Variants in MYO15A observed in about 807,000 individuals in gnomAD.
The protein encoded by MYO15A is unconventional myosin-XV.
MYO15A carries 308 observed loss-of-function variants against 394.6 expected under a neutral mutation model. The observed-to-expected ratio is 0.78, with a 90% CI of 0.71 to 0.86. The LOEUF is 0.86. Among genes scored for constraint, MYO15A ranks in the 40% least tolerant of loss-of-function variants. The pLI is 0.00. For missense variants in MYO15A, 4,606 were observed against 4,799.1 expected (o/e 0.96, Z 1.19); for synonymous variants, 1,957 against 2,003.8 (o/e 0.98, Z 0.62).
rs2046979987 is a variant in MYO15A, at chr17:18,174,027, T to C, written c.10491+106T>C. ...ATGCCCCAGGGAGTATCCAGGCCAG[T>C]GCATGGGACAGAACCAACCACAGCA... is the stretch of plus-strand genomic sequence containing the variant. On this transcript the variant is annotated intron_variant, in intron 65 of 65. Transcript: ENST00000647165. 11 of 1,462,660 alleles carry C rather than the reference T, an allele frequency of 7.5e-6. No individual in the cohort carries two copies. The South Asian group carries it at 9.1e-5, about 12-fold the overall frequency. 90.6% of individuals were successfully genotyped at this position (1,462,660 alleles called of 1,614,324 possible).
In MYO15A at chr17:18,148,719, G is replaced by T; in HGVS notation, c.6765-42G>T. On this transcript the variant is annotated intron_variant, in intron 32 of 65. Transcript: ENST00000647165. The surrounding 1 kb of genome is among the most constrained non-coding windows in gnomAD (Gnocchi z 4.8). ...AGGATCTCCCCAGGTAGTGCCTGAT[G>T]ACTCTGTCCCTCATTTCCATTCCTG... 3 of 1,564,616 alleles carry T rather than the reference G, an allele frequency of 1.9e-6. No individual in the cohort carries two copies. In the South Asian group the frequency reaches 3.5e-5, roughly 18 times the overall value.
At chr17:18,128,720 G>C (rs1023909130) in intron 7 of MYO15A, among the ~76,000 whole-genome samples, 1 of 152,136 alleles carries the variant, frequency 6.6e-6, no homozygotes, top group Non-Finnish European at 1.5e-5. Context: ...GGAGCTTTAC[G>C]GCAACCCTGG....
At position 18,163,784 on chromosome 17, in the gene MYO15A, C is replaced by T. The variant is rs1332068424; in HGVS notation, c.9733C>T (p.Leu3245=). The part of the protein sequence containing the change: ...VVEEICAEMA[L]TRPEAFNEYV... ...GGAAGAGATATGTGCTGAGATGGCT[C>T]TGACACGCCCTGAGGCCTTCAATGA... The change falls in exon 60 of 66, where the codon CTG becomes TTG. Residue 3245 remains leucine, a synonymous_variant. Transcript: ENST00000647165. 8.7e-6 allele frequency: 14 copies of T among 1,614,076 alleles called. No individual in the cohort carries two copies. Among genetic ancestry groups the T allele is most frequent in the Non-Finnish European group, 1.1e-5 (13 of 1,179,966 alleles).
At position 18,136,576 on chromosome 17, in the gene MYO15A, A is replaced by C. The variant is rs1188457983; in HGVS notation, c.4669A>C (p.Lys1557Gln). 1 of 1,613,978 alleles carries C rather than the reference A, an allele frequency of 6.2e-7. No homozygotes were observed. The highest frequency in any genetic ancestry group is 8.5e-7 in the Non-Finnish European group (1 of 1,180,032). The change falls in exon 15 of 66, where the codon AAG becomes CAG. Residue 1557 changes from lysine to glutamine, a missense_variant. Physicochemically the swap from Lys to Gln is moderately conservative, Grantham distance 53 (BLOSUM62 1). Transcript: ENST00000647165. ...SAVDARDAIA[K>Q]VLYALLFSWL... ...CCTCTGCTCCAGGGACGCCATCGCC[A>C]AGGTCTTGTATGCACTGCTGTTCAG...
At position 18,148,764 on chromosome 17, in the gene MYO15A, G is replaced by C. The variant is rs1404878831; in HGVS notation, c.6768G>C (p.Gly2256=). ...TTCCTGTGCATGCCATCACCAGGGG[G>C]CTGGCAGATGGCTGGCGCGGCTGGA... ...EVAGDILRHR[G]LADGWRGWTV... Residue 2256 remains glycine, a synonymous_variant, in exon 33 of 66, where the codon GGG becomes GGC. Coordinates refer to ENST00000647165, the MANE Select transcript of MYO15A (RefSeq NM_016239.4). The surrounding 1 kb of genome is among the most constrained non-coding windows in gnomAD (Gnocchi z 4.8). 1.3e-6 allele frequency: 2 copies of C among 1,597,240 alleles called. No individual in the cohort carries two copies. The highest frequency in any genetic ancestry group is 3.4e-5 in the Admixed American group (2 of 58,600).
At chr17:18,126,572 C>A in intron 5 of MYO15A, 116 bp downstream of exon 5, 1 of 1,106,790 alleles carries the variant, frequency 9.0e-7, no homozygotes, top group Non-Finnish European at 1.3e-6. Context: ...GGAAAGGCAG[C>A]CCACCTACTC....
chr17:18,167,110 G>A (rs2046865871), intron 61 of MYO15A, among the ~76,000 whole-genome samples: 1 of 152,210 alleles, frequency 6.6e-6, no homozygotes, highest in Non-Finnish European at 1.5e-5. Flanking sequence ...CACTGTTGAA[G>A]CATGGCCCTG....
At position 18,120,310 on chromosome 17, in the gene MYO15A, C is replaced by G; in HGVS notation, c.1510C>G (p.Pro504Ala). 1 of 1,612,276 alleles carries G rather than the reference C, an allele frequency of 6.2e-7. No homozygotes were observed. Among genetic ancestry groups the G allele is most frequent in the Non-Finnish European group, 8.5e-7 (1 of 1,179,980 alleles). The change falls in exon 2 of 66, where the codon CCT becomes GCT. Residue 504 changes from proline (P) to alanine (A), a missense_variant. Around this residue, in one of 2 missense-constraint regions of MYO15A, gnomAD observed 1,830 missense variants for 1,689.7 expected, o/e 1.08. Coordinates refer to ENST00000647165, the MANE Select transcript of MYO15A (RefSeq NM_016239.4). ...EVPLPPSLDI[P>A]LPLGDADEEE... ...GCCCCTGCCACCCTCTCTGGACATTCCTCTCCCCTTGGGGGATGCGGACGA... is the reference window on the plus strand; with the variant it reads ...GCCCCTGCCACCCTCTCTGGACATTGCTCTCCCCTTGGGGGATGCGGACGA...
chr17:18,142,380 A>C (rs2046398520), intron 24 of MYO15A, 126 bp downstream of exon 24: 4 of 1,155,538 alleles, frequency 3.5e-6, no homozygotes, highest in Non-Finnish European at 5.0e-6. Context: ...AGGCCTCTGC[A>C]GGAGAATGAT....
rs1431217758 is a variant in MYO15A, at chr17:18,159,279, C to T, written c.9161C>T (p.Pro3054Leu). The T allele has an allele frequency of 1.2e-6, 2 of 1,614,196 alleles. No homozygotes were observed. The highest frequency in any genetic ancestry group is 1.3e-5 in the African/African-American group (1 of 75,040). Reference protein sequence around the residue: ...LEDMLCFTKTPLQESLIELSD... With the variant: ...LEDMLCFTKTLLQESLIELSD... ...CACAGCCCTCTTCCCCCACAGACTC[C>T]CCTCCAGGAATCCCTCATCGAACTC... The change falls in exon 54 of 66, where the codon CCC (proline) becomes CTC (leucine). Residue 3054 changes from proline to leucine, a missense_variant. Physicochemically the swap from Pro to Leu is moderately conservative, Grantham distance 98. Around this residue, in one of 2 missense-constraint regions of MYO15A, gnomAD observed 2,776 missense variants for 3,109.3 expected, o/e 0.89. Transcript: ENST00000647165.
chr17:18,149,485 G>A lies in MYO15A; in HGVS notation c.7118-1G>A. 2 of 1,614,188 alleles carry A rather than the reference G, an allele frequency of 1.2e-6. No homozygotes were observed. Among genetic ancestry groups the A allele is most frequent in the Non-Finnish European group, 1.7e-6 (2 of 1,180,024 alleles). On this transcript the variant is annotated splice_acceptor_variant, in intron 34 of 65. Coordinates refer to ENST00000647165, the MANE Select transcript of MYO15A (RefSeq NM_016239.4). LOFTEE classifies it high-confidence loss of function. ...TGACATTTTTGTGCCTTCCCCTCCAGAGTCAGACAGTCTTGGAGAGCCTGC... is the reference window on the plus strand; with the variant it reads ...TGACATTTTTGTGCCTTCCCCTCCAAAGTCAGACAGTCTTGGAGAGCCTGC...
chr17:18,123,582 C>T (rs2045978469), intron 2 of MYO15A: 1 of 152,398 alleles, frequency 6.6e-6, no homozygotes, highest in Non-Finnish European at 1.5e-5. Context: ...ATTGGAAAGG[C>T]TGAGGGTGTA....
intron 64 of MYO15A, 114 bp downstream of exon 64, chr17:18,172,404 T>C (rs1215591044): frequency 1.4e-6 from 2 of 1,451,912 alleles, no homozygotes; most frequent in Non-Finnish European, 9.6e-7. Flanking sequence ...GCTTACCACC[T>C]TCATGATCTC....
In MYO15A at chr17:18,152,083, C is replaced by T. The variant is rs533379684; in HGVS notation, c.7894-29C>T. On this transcript the variant is annotated intron_variant, in intron 41 of 65. Coordinates refer to ENST00000647165, the MANE Select transcript of MYO15A (RefSeq NM_016239.4). The stretch of plus-strand genomic sequence containing the variant: ...CCCTCCACAGGGCCTGCCTGTTGCC[C>T]CCTGAGCAGTCTCTTTGGGGTGGGA... The T allele has an allele frequency of 4.5e-6, 7 of 1,550,940 alleles. No individual in the cohort carries two copies. The Admixed American group carries it at 7.8e-5, about 17-fold the overall frequency.
intron 12 of MYO15A, 92 bp from the exon 13 acceptor site, chr17:18,135,619 G>T: frequency 8.0e-7 from 1 of 1,249,176 alleles, no homozygotes. Flanking sequence ...GGGACTACTG[G>T]CATGAGCCAC....
chr17:18,119,394 G>A lies in MYO15A; in HGVS notation c.594G>A (p.Ala198=), dbSNP rs775048581. ...TCCCCCGCAGCCGCAGCATCTACGC[G>A]TCAGGCGAGCCCCTGGGCTTCCTGC... ...RRFPRSRSIY[A]SGEPLGFLPF... The change falls in exon 2 of 66, where the codon GCG becomes GCA. Residue 198 remains alanine (A), a synonymous_variant. Transcript: ENST00000647165. 1.4e-4 allele frequency: 232 copies of A among 1,611,158 alleles called. No homozygotes were observed. The highest frequency in any genetic ancestry group is 1.6e-4 in the Non-Finnish European group (183 of 1,179,894).
intron 1 of MYO15A, among the ~76,000 whole-genome samples, chr17:18,115,795 C>A (rs950988588): frequency 7.2e-5 from 11 of 152,094 alleles, no homozygotes; most frequent in Non-Finnish European, 2.9e-5. Context: ...AGCCACCTGG[C>A]CTGTCTGCTC....
chr17:18,152,983 G>C (rs2046609138), intron 42 of MYO15A, among the ~76,000 whole-genome samples: 1 of 152,196 alleles, frequency 6.6e-6, no homozygotes, highest in Non-Finnish European at 1.5e-5. Flanking sequence ...CCAGCCTCGG[G>C]CAGTGAGAGC....
intron 12 of MYO15A, among the ~76,000 whole-genome samples, chr17:18,134,277 C>T (rs948865565): frequency 3.3e-5 from 5 of 152,176 alleles, no homozygotes; most frequent in African/African-American, 1.2e-4. Flanking sequence ...CGTGAGCCAC[C>T]GTGCCCCGGC....
Sources: gnomAD v4.1 joint callset for allele counts (sites outside exome capture counted in the v4.1 genomes callset) on GRCh38, gnomAD v4.1.1 for gene constraint, gnomAD v4.1.1 regional missense constraint, Gnocchi (gnomAD v3.1) non-coding constraint, MANE v1.5 for transcripts, NCBI Gene and HGNC (gene_info 2026-07-23, HGNC 2026-07-21) for gene names.